The following FBXL5 variants were observed in gnomAD, a reference collection of about 807,000 sequenced individuals.
FBXL5 encodes the protein F-box/LRR-repeat protein 5.
In FBXL5, 26 loss-of-function variants were observed where a neutral mutation model predicts 78.3. The observed-to-expected ratio is 0.33, with a 90% CI of 0.24 to 0.46. FBXL5 has a LOEUF of 0.46. Among genes scored for constraint, FBXL5 ranks in the 20% least tolerant of loss-of-function variants. The pLI is 1.00. For synonymous variants in FBXL5, 295 were observed against 282.5 expected (o/e 1.04, Z -0.45); for missense variants, 710 against 829.2 (o/e 0.86, Z 1.77).
At chr4:15,651,522 T>A (rs1577483055) in intron 1 of FBXL5, among the ~76,000 whole-genome samples, 1 of 152,276 alleles carries the variant, frequency 6.6e-6, no homozygotes, top group South Asian at 2.1e-4. Flanking sequence ...CAATATTTTC[T>A]CCACTAAGCC....
chr4:15,607,428 T>C (rs1202883875), intron 10 of FBXL5, among the ~76,000 whole-genome samples: 1 of 152,206 alleles, frequency 6.6e-6, no homozygotes, highest in Non-Finnish European at 1.5e-5. Flanking sequence ...CAGCATTTTG[T>C]TAAAATTATT....
chr4:15,651,198 T>C (rs1715998784), intron 1 of FBXL5, among the ~76,000 whole-genome samples: 2 of 152,124 alleles, frequency 1.3e-5, no homozygotes, highest in South Asian at 2.1e-4. Flanking sequence ...AATTTACAGA[T>C]GGAAAAAATG....
chr4:15,632,593 G>T (rs1713793944), intron 5 of FBXL5, among the ~76,000 whole-genome samples: 2 of 152,138 alleles, frequency 1.3e-5, no homozygotes, highest in African/African-American at 4.8e-5. Context: ...ATTTTGTTGA[G>T]CAGTGGTTTG....
chr4:15,615,306 G>A (rs1711687901), intron 9 of FBXL5, among the ~76,000 whole-genome samples: 4 of 152,248 alleles, frequency 2.6e-5, no homozygotes, highest in South Asian at 2.1e-4. Flanking sequence ...GCAAGCACAC[G>A]GCGCGGGACT....
At chr4:15,664,901 C>G (rs942061520) in intron 1 of FBXL5, among the ~76,000 whole-genome samples, 28 of 151,960 alleles carry the variant, frequency 1.8e-4, no homozygotes, top group African/African-American at 6.8e-4. Flanking sequence ...TCCCCAACAG[C>G]CTACAGGTAC....
chr4:15,659,724 T>TA (rs923484631), upstream of FBXL5: 22 of 985,166 alleles, frequency 2.2e-5, no homozygotes, highest in African/African-American at 3.7e-4. Flanking sequence ...TTATGTCACC[T>TA]ACCTTGCGTC....
chr4:15,643,297 C>G (rs1325641458), intron 2 of FBXL5, among the ~76,000 whole-genome samples: 1 of 152,172 alleles, frequency 6.6e-6, no homozygotes, highest in Non-Finnish European at 1.5e-5. Context: ...GTAGAACAGC[C>G]TTTCCAGAAC....
At chr4:15,639,838 G>A (rs1369702068) in intron 3 of FBXL5, among the ~76,000 whole-genome samples, 1 of 152,122 alleles carries the variant, frequency 6.6e-6, no homozygotes, top group Non-Finnish European at 1.5e-5. Flanking sequence ...ATATCAATTT[G>A]ATTATAAGGT....
Position 15,625,662 on chromosome 4 carries a change from C to A in FBXL5, c.1440G>T (p.Trp480Cys), listed in dbSNP as rs149921734. 6.2e-7 allele frequency: 1 copy of A among 1,614,090 alleles called. No homozygotes were observed. Among genetic ancestry groups the A allele is most frequent in the African/African-American group, 1.3e-5 (1 of 74,930 alleles). Residue 480 changes from tryptophan to cysteine, a missense_variant, in exon 9 of 11, where the codon TGG becomes TGT. Physicochemically the swap from Trp to Cys is radical, Grantham distance 215 (BLOSUM62 -2). Transcript: ENST00000341285. ...SSENFTSPYVWMLDAEDLADI... is the reference protein window; with the variant it reads ...SSENFTSPYVCMLDAEDLADI... ...CAGCCAAATCTTCAGCATCTAACAT[C>A]CACACATAAGGAGAAGTGAAATTCT...
At chr4:15,666,283 C>A (rs1717541863) in intron 1 of FBXL5, among the ~76,000 whole-genome samples, 1 of 151,944 alleles carries the variant, frequency 6.6e-6, no homozygotes, top group Non-Finnish European at 1.5e-5. Flanking sequence ...CCTGTAGTCC[C>A]AGCTACTCAG....
intron 4 of FBXL5, among the ~76,000 whole-genome samples, 193 bp from the exon 5 acceptor site, chr4:15,636,869 A>T (rs1205073611): frequency 2.0e-5 from 3 of 152,234 alleles, no homozygotes; most frequent in African/African-American, 7.2e-5. Context: ...GTAGGGTTAA[A>T]CTATCATGGC....
intron 5 of FBXL5, among the ~76,000 whole-genome samples, chr4:15,635,894 T>C (rs1577457916): frequency 6.6e-6 from 1 of 152,204 alleles, no homozygotes; most frequent in East Asian, 1.9e-4. Context: ...CTTTAACTGT[T>C]CACATGTGAA....
intron 3 of FBXL5, among the ~76,000 whole-genome samples, chr4:15,640,386 C>A (rs1292186027): frequency 1.0e-5 from 1 of 97,302 alleles, no homozygotes; most frequent in Non-Finnish European, 2.0e-5. Context: ...TACTAAACTA[C>A]ACTACTGAAA....
upstream of FBXL5, among the ~76,000 whole-genome samples, chr4:15,660,082 A>AT (rs773132678): frequency 1.7e-3 from 245 of 140,394 alleles, no homozygotes; most frequent in Middle Eastern, 7.1e-3. Context: ...TACCCCTGAC[A>AT]TTTTTTTTTT....
Position 15,655,318 on chromosome 4 carries a change from C to CGCG in FBXL5, c.-34_-32dup. Reference sequence around the variant, plus strand: ...CTGCCTCAGCCTCCGCCTCAGCAGCCGCGGCCGCCGCCTCTCCATAGACAC... The same window carrying CGCG: ...CTGCCTCAGCCTCCGCCTCAGCAGCCGCGGCGGCCGCCGCCTCTCCATAGACAC... On this transcript the variant is annotated 5_prime_UTR_variant, in exon 1 of 11. Coordinates refer to ENST00000341285, the MANE Select transcript of FBXL5 (RefSeq NM_012161.4). 2.2e-6 allele frequency: 3 copies of CGCG among 1,359,918 alleles called. No homozygotes were observed. Among genetic ancestry groups the CGCG allele is most frequent in the Non-Finnish European group, 2.9e-6 (3 of 1,029,056 alleles). 84.2% of individuals were successfully genotyped at this position (1,359,918 alleles called of 1,614,324 possible).
At chr4:15,657,383 CT>C (rs1300450118), upstream of FBXL5, among the ~76,000 whole-genome samples, 1 of 152,176 alleles carries the variant, frequency 6.6e-6, no homozygotes, top group Non-Finnish European at 1.5e-5. Flanking sequence ...GTGTAATTTC[CT>C]CATTTTTACT....
intron 5 of FBXL5, among the ~76,000 whole-genome samples, chr4:15,633,243 C>T (rs965265759): frequency 6.6e-6 from 1 of 152,106 alleles, no homozygotes; most frequent in Non-Finnish European, 1.5e-5. Flanking sequence ...CTGCTATGTA[C>T]CTGCTATGTA....
chr4:15,634,225 C>T (rs1427138478), intron 5 of FBXL5, among the ~76,000 whole-genome samples: 1 of 152,034 alleles, frequency 6.6e-6, no homozygotes, highest in Non-Finnish European at 1.5e-5. Flanking sequence ...CCCTCTGTCA[C>T]CCGGATTGGA....
upstream of FBXL5, among the ~76,000 whole-genome samples, chr4:15,662,048 A>C (rs1717335639): frequency 6.6e-6 from 1 of 152,220 alleles, no homozygotes; most frequent in Non-Finnish European, 1.5e-5. Flanking sequence ...CAAACCCAAA[A>C]TAAGTCAGTC....
Sources: allele counts gnomAD v4.1 joint callset (sites outside exome capture counted in the v4.1 genomes callset), GRCh38; gene constraint gnomAD v4.1.1; transcripts MANE v1.5; gene names NCBI Gene and HGNC (gene_info 2026-07-23, HGNC 2026-07-21).